DOCK2: variants seen among roughly 807,000 people sequenced by gnomAD.
DOCK2 encodes the protein dedicator of cytokinesis protein 2.
DOCK2 carries 87 observed loss-of-function variants against 248.9 expected under a neutral mutation model. That is an observed-to-expected ratio of 0.35 (90% CI 0.29 to 0.42). The LOEUF (loss-of-function observed/expected upper bound fraction) is 0.42. DOCK2 is among the 10% of genes least tolerant of loss of function. The pLI is 1.00. For synonymous variants in DOCK2, 805 were observed against 821.6 expected, an observed-to-expected ratio of 0.98 and a Z score of 0.35; for missense variants, 1,747 against 2,300.2, an observed-to-expected ratio of 0.76 and a Z score of 4.92.
At chr5:169,691,216 A>G (rs979823484) in intron 9 of DOCK2, among the ~76,000 whole-genome samples, 1 of 152,176 alleles carries the variant, frequency 6.6e-6, no homozygotes, top group Admixed American at 6.5e-5. Flanking sequence ...AGAACTCGCT[A>G]TCATGATGAT....
chr5:169,825,785 A>C lies in DOCK2; in HGVS notation c.2704-14972A>C, dbSNP rs183578002. Among the ~76,000 whole-genome samples, 242 of 149,712 alleles carry C rather than the reference A, an allele frequency of 1.6e-3. 2 individuals are homozygous for C. The highest frequency in any genetic ancestry group is 9.3e-4 in the Non-Finnish European group (63 of 67,446). On this transcript the variant is annotated intron_variant, in intron 26 of 51. Coordinates refer to ENST00000520908, the MANE Select transcript of DOCK2 (RefSeq NM_004946.3). ...AAAGTATAATAAAAAATATATCTAT[A>C]TATATATATAAAGAAAATATTGAAA... is the stretch of plus-strand genomic sequence containing the variant.
At chr5:169,682,271 C>T (rs1759707974) in intron 7 of DOCK2, among the ~76,000 whole-genome samples, 1 of 152,276 alleles carries the variant, frequency 6.6e-6, no homozygotes, top group Non-Finnish European at 1.5e-5. Flanking sequence ...CCAGGAGAGG[C>T]TTCTCTCAAG....
At chr5:169,696,763 A>T (rs964536223) in intron 10 of DOCK2, among the ~76,000 whole-genome samples, 1 of 151,174 alleles carries the variant, frequency 6.6e-6, no homozygotes, top group Non-Finnish European at 1.5e-5. Flanking sequence ...TTACTCTCCA[A>T]CTAGTCCCCT....
intron 27 of DOCK2, among the ~76,000 whole-genome samples, chr5:169,909,106 A>G (rs1581399875): frequency 6.6e-6 from 1 of 152,192 alleles, no homozygotes. Context: ...GAGTCTGTGG[A>G]TGATTTCATC....
chr5:169,638,968 G>A (rs978446728), intron 1 of DOCK2, among the ~76,000 whole-genome samples: 11 of 152,118 alleles, frequency 7.2e-5, no homozygotes, highest in African/African-American at 1.2e-4. Flanking sequence ...TGAAGTGTGT[G>A]GGTCAAACAA....
At chr5:169,708,560 G>A (rs1324885572) in intron 15 of DOCK2, among the ~76,000 whole-genome samples, 5 of 130,380 alleles carry the variant, frequency 3.8e-5, no homozygotes, top group Non-Finnish European at 6.4e-5. Flanking sequence ...GGAACAATTA[G>A]CATTCTTCTT....
At chr5:169,908,136 G>A (rs1774396621) in intron 27 of DOCK2, among the ~76,000 whole-genome samples, 1 of 152,092 alleles carries the variant, frequency 6.6e-6, no homozygotes, top group Non-Finnish European at 1.5e-5. Context: ...TTTCAGTTAA[G>A]GTTCAAGTTC....
intron 26 of DOCK2, among the ~76,000 whole-genome samples, chr5:169,806,402 G>A (rs1449920149): frequency 6.6e-6 from 1 of 151,892 alleles, no homozygotes; most frequent in African/African-American, 2.4e-5. Context: ...TCCTGCCTTG[G>A]CCTCCCAAAG....
chr5:169,658,647 G>A (rs1292511316), intron 2 of DOCK2, among the ~76,000 whole-genome samples: 1 of 151,852 alleles, frequency 6.6e-6, no homozygotes. Context: ...GTTTTTCTGT[G>A]TAATGGGATT....
At chr5:169,978,701 C>T (rs1017161738) in intron 27 of DOCK2, among the ~76,000 whole-genome samples, 4 of 152,012 alleles carry the variant, frequency 2.6e-5, no homozygotes, top group Admixed American at 6.6e-5. Context: ...CCCTACGTCC[C>T]GAAGGGCTGA....
chr5:169,789,215 A>T (rs894400536), intron 25 of DOCK2, among the ~76,000 whole-genome samples: 3 of 152,182 alleles, frequency 2.0e-5, no homozygotes, highest in African/African-American at 7.2e-5. Context: ...ATAGTATTCC[A>T]TGGTGTATAT....
At position 169,678,346 on chromosome 5, in the gene DOCK2, A is replaced by G. The variant is rs1404560695; in HGVS notation, c.471-3398A>G. On this transcript the variant is annotated intron_variant, in intron 6 of 51. Transcript: ENST00000520908. ...GCTAGAGTGCAGAGTGCACTGCAAC[A>G]TCCGCCTCCCAGGTTCAAGTGATTC... Among the ~76,000 whole-genome samples, 7 of 151,726 alleles carry G rather than the reference A, an allele frequency of 4.6e-5. No individual in the cohort carries two copies. In the East Asian group the frequency reaches 1.4e-3, roughly 29 times the overall value.
In DOCK2 at chr5:169,996,127, A is replaced by G. The variant is rs2113798027; in HGVS notation, c.3035A>G (p.Asn1012Ser). The G allele has an allele frequency of 6.2e-7, 1 of 1,614,002 alleles. No homozygotes were observed. Among genetic ancestry groups the G allele is most frequent in the Non-Finnish European group, 8.5e-7 (1 of 1,179,900 alleles). The stretch of plus-strand genomic sequence containing the variant: ...ATCAACAAGTTTGCAGAAACCATGA[A>G]CCAGAAGTTCCTAGAACACACGAAC... The part of the protein sequence containing the change: ...RAINKFAETM[N>S]QKFLEHTNFE... Residue 1012 changes from asparagine (N) to serine (S), a missense_variant, in exon 30 of 52, where the codon AAC (asparagine) becomes AGC (serine). Around this residue, in one of 4 missense-constraint regions of DOCK2, gnomAD observed 858 missense variants for 1,183.5 expected, o/e 0.72. Coordinates refer to ENST00000520908, the MANE Select transcript of DOCK2 (RefSeq NM_004946.3).
intron 25 of DOCK2, among the ~76,000 whole-genome samples, chr5:169,765,998 A>G (rs1438841872): frequency 1.3e-5 from 2 of 152,192 alleles, no homozygotes; most frequent in South Asian, 2.1e-4. Flanking sequence ...TATCTTTTCT[A>G]ATCAACATAT....
intron 27 of DOCK2, among the ~76,000 whole-genome samples, chr5:169,944,779 G>A (rs1017706330): frequency 3.3e-5 from 5 of 152,180 alleles, no homozygotes; most frequent in African/African-American, 7.2e-5. Context: ...AGCACCTTGT[G>A]CTGTTGTCTG....
chr5:169,692,544 G>T (rs1017950947), intron 9 of DOCK2, among the ~76,000 whole-genome samples: 1 of 151,828 alleles, frequency 6.6e-6, no homozygotes, highest in Non-Finnish European at 1.5e-5. Context: ...TGGCGGGGGG[G>T]CGCTGTCCGA....
intron 1 of DOCK2, among the ~76,000 whole-genome samples, chr5:169,641,574 G>A (rs1046723438): frequency 3.9e-5 from 6 of 152,204 alleles, no homozygotes; most frequent in African/African-American, 1.4e-4. Context: ...GAGAAGTGGT[G>A]TATTTTAGGG....
At chr5:169,681,650 C>A in intron 6 of DOCK2, 94 bp from the exon 7 acceptor site, 7 of 1,461,972 alleles carry the variant, frequency 4.8e-6, no homozygotes, top group Non-Finnish European at 6.4e-6. Context: ...TATATGACCC[C>A]CAGAAATCAG....
At chr5:169,717,315 A>G in intron 20 of DOCK2, 69 bp from the exon 21 acceptor site, 1 of 1,286,954 alleles carries the variant, frequency 7.8e-7, no homozygotes, top group Non-Finnish European at 1.1e-6. Flanking sequence ...GGGTTGAATT[A>G]TGCCAGGTAA....
Sources: allele counts gnomAD v4.1 joint callset (sites outside exome capture counted in the v4.1 genomes callset), GRCh38; gene constraint gnomAD v4.1.1; regional missense constraint gnomAD v4.1.1; transcripts MANE v1.5; gene names NCBI Gene and HGNC (gene_info 2026-07-23, HGNC 2026-07-21).